The following SH3GL2 variants were observed in gnomAD, a reference collection of about 807,000 sequenced individuals.
SH3GL2 encodes SH3 domain containing GRB2 like 2, endophilin A1.
A neutral mutation model predicts 46.0 loss-of-function variants in SH3GL2; 24 were observed. The observed-to-expected ratio is 0.52, with a 90% CI of 0.38 to 0.73. SH3GL2 has a LOEUF of 0.73. SH3GL2 is among the 30% of genes least tolerant of loss of function. The probability of loss-of-function intolerance (pLI) is 0.00; values close to 1 mark genes in which losing one functional copy is unlikely to be tolerated. For synonymous variants in SH3GL2, 196 were observed against 147.1 expected, an observed-to-expected ratio of 1.33 and a Z score of -2.40; for missense variants, 413 against 424.2, an observed-to-expected ratio of 0.97 and a Z score of 0.23.
chr9:17,579,440 C>G lies in SH3GL2; in HGVS notation c.45+153C>G, dbSNP rs533107683. ...CGCCTCGCAAGCCAAGGCGGCGGCT[C>G]GGGGCATCCCCGGTCTGGGCGTCCA... On this transcript the variant is annotated intron_variant, in intron 1 of 8. Coordinates refer to ENST00000380607, the MANE Select transcript of SH3GL2 (RefSeq NM_003026.5). Among the ~76,000 whole-genome samples, 1,133 of 151,892 alleles carry G rather than the reference C, an allele frequency of 7.5e-3. 10 individuals are homozygous for G. The highest frequency in any genetic ancestry group is 0.025 in the African/African-American group (1,057 of 41,502).
intron 1 of SH3GL2, among the ~76,000 whole-genome samples, chr9:17,733,754 A>C (rs1210335270): frequency 1.3e-5 from 2 of 152,132 alleles, no homozygotes; most frequent in African/African-American, 4.8e-5. Flanking sequence ...GATTAAGAAA[A>C]TGCGGCACAT....
At chr9:17,630,131 A>C (rs932763715) in intron 1 of SH3GL2, among the ~76,000 whole-genome samples, 2 of 152,190 alleles carry the variant, frequency 1.3e-5, no homozygotes, top group African/African-American at 4.8e-5. Flanking sequence ...TGTTCTTAGA[A>C]TCTAACATAT....
rs539680279 is a variant in SH3GL2 at position 17,796,307 on chromosome 9, A to G, written c.*564A>G. 1.3e-5 allele frequency: 2 copies of G among 152,932 alleles called. No individual in the cohort carries two copies. The highest frequency in any genetic ancestry group is 4.8e-5 in the African/African-American group (2 of 41,586). 9.5% of individuals were successfully genotyped at this position (152,932 alleles called of 1,614,324 possible). A position where few individuals can be genotyped will look rare whatever the true frequency, so the allele number is the denominator to read the frequency against. Reference sequence around the variant, plus strand: ...TTCAAAGCATTCTCTGCAAATAGGCATCTCAGCTCCTCACACTTATGGCTA... The same window carrying G: ...TTCAAAGCATTCTCTGCAAATAGGCGTCTCAGCTCCTCACACTTATGGCTA... On this transcript the variant is annotated 3_prime_UTR_variant, in exon 9 of 9. Coordinates refer to ENST00000380607, the MANE Select transcript of SH3GL2 (RefSeq NM_003026.5).
At chr9:17,715,842 A>G (rs1022601269) in intron 1 of SH3GL2, among the ~76,000 whole-genome samples, 1 of 152,048 alleles carries the variant, frequency 6.6e-6, no homozygotes, top group African/African-American at 2.4e-5. Context: ...GAACCCTTAC[A>G]TTAGCCTGTA....
At chr9:17,629,091 T>C (rs1189188484) in intron 1 of SH3GL2, among the ~76,000 whole-genome samples, 1 of 151,958 alleles carries the variant, frequency 6.6e-6, no homozygotes, top group Non-Finnish European at 1.5e-5. Context: ...TTGACCTTTA[T>C]AGTAGGAGGA....
At chr9:17,738,495 T>TATAC (rs1482875757) in intron 1 of SH3GL2, among the ~76,000 whole-genome samples, 1 of 148,462 alleles carries the variant, frequency 6.7e-6, no homozygotes, top group African/African-American at 2.5e-5. Flanking sequence ...CACACACACA[T>TATAC]ATACATACAT....
chr9:17,693,672 T>C (rs982308360), intron 1 of SH3GL2, among the ~76,000 whole-genome samples: 8 of 152,274 alleles, frequency 5.3e-5, no homozygotes, highest in African/African-American at 1.9e-4. Context: ...ACCTGAAAAT[T>C]TGTAATTCTT....
At chr9:17,728,247 C>T (rs563564583) in intron 1 of SH3GL2, among the ~76,000 whole-genome samples, 1 of 151,902 alleles carries the variant, frequency 6.6e-6, no homozygotes, top group Non-Finnish European at 1.5e-5. Context: ...TTCATCATAT[C>T]CTGAGGAAAA....
intron 1 of SH3GL2, among the ~76,000 whole-genome samples, chr9:17,613,597 A>C (rs537129039): frequency 4.6e-5 from 7 of 152,182 alleles, no homozygotes; most frequent in Non-Finnish European, 8.8e-5. Flanking sequence ...CAAATAAAGC[A>C]CAAATGTGTT....
intron 1 of SH3GL2, among the ~76,000 whole-genome samples, chr9:17,682,872 G>C (rs1820809353): frequency 6.6e-6 from 1 of 152,008 alleles, no homozygotes; most frequent in Non-Finnish European, 1.5e-5. Context: ...AACTCCGGAA[G>C]CTTTTGTATT....
At chr9:17,754,442 G>C (rs1057141106) in intron 2 of SH3GL2, among the ~76,000 whole-genome samples, 1 of 152,118 alleles carries the variant, frequency 6.6e-6, no homozygotes, top group Non-Finnish European at 1.5e-5. Context: ...GGGAGGCTGA[G>C]GTGGGCAGAT....
chr9:17,792,178 G>T (rs562689743), intron 7 of SH3GL2, among the ~76,000 whole-genome samples: 2 of 152,228 alleles, frequency 1.3e-5, no homozygotes, highest in South Asian at 4.1e-4. Context: ...ACCTGTTTTC[G>T]TTGTTTTCCC....
chr9:17,633,306 C>T (rs1050516908), intron 1 of SH3GL2, among the ~76,000 whole-genome samples: 3 of 152,116 alleles, frequency 2.0e-5, no homozygotes, highest in African/African-American at 7.2e-5. Flanking sequence ...TACTGCAAGC[C>T]CAGTCCATTG....
intron 1 of SH3GL2, among the ~76,000 whole-genome samples, chr9:17,619,613 G>T (rs117657636): frequency 0.042 from 6,359 of 152,132 alleles, 189 homozygotes; most frequent in Non-Finnish European, 0.059. Flanking sequence ...GGGAGGCAGA[G>T]GTTGCAGTGA....
At chr9:17,743,071 A>G (rs1012417905) in intron 1 of SH3GL2, among the ~76,000 whole-genome samples, 1 of 152,232 alleles carries the variant, frequency 6.6e-6, no homozygotes, top group African/African-American at 2.4e-5. Flanking sequence ...CCAGGTAAGG[A>G]GAAACAGAGC....
chr9:17,782,294 G>A (rs1823832470), intron 3 of SH3GL2, among the ~76,000 whole-genome samples: 1 of 151,918 alleles, frequency 6.6e-6, no homozygotes, highest in Non-Finnish European at 1.5e-5. Flanking sequence ...CTCTTTTTCG[G>A]GGAAAATAAG....
At chr9:17,649,683 A>C (rs1406915618) in intron 1 of SH3GL2, among the ~76,000 whole-genome samples, 1 of 152,208 alleles carries the variant, frequency 6.6e-6, no homozygotes, top group African/African-American at 2.4e-5. Context: ...TCTTTTGGCA[A>C]ATACACGTAT....
intron 1 of SH3GL2, among the ~76,000 whole-genome samples, chr9:17,664,248 C>T (rs748246650): frequency 1.3e-5 from 2 of 152,036 alleles, no homozygotes; most frequent in African/African-American, 4.8e-5. Flanking sequence ...AATGAATTCC[C>T]GTGAATACAT....
chr9:17,748,766 G>A (rs945536866), intron 2 of SH3GL2, among the ~76,000 whole-genome samples: 1 of 152,104 alleles, frequency 6.6e-6, no homozygotes, highest in Non-Finnish European at 1.5e-5. Context: ...GTGGCGAGGA[G>A]GAAAACTAAT....
Sources: allele counts gnomAD v4.1 joint callset (sites outside exome capture counted in the v4.1 genomes callset), GRCh38; gene constraint gnomAD v4.1.1; transcripts MANE v1.5; gene names NCBI Gene and HGNC (gene_info 2026-07-23, HGNC 2026-07-21).